The following CDC14A variants were observed in gnomAD, a reference collection of about 807,000 sequenced individuals.
CDC14A encodes the protein cell division cycle 14A.
In CDC14A, 53 loss-of-function variants were observed where a neutral mutation model predicts 74.4. The ratio of observed to expected loss-of-function variants is 0.71; its 90% confidence interval spans 0.57 to 0.89. The LOEUF is 0.89. Among genes scored for constraint, CDC14A ranks in the 40% least tolerant of loss-of-function variants. The probability of loss-of-function intolerance (pLI) is 0.00; values close to 1 mark genes in which losing one functional copy is unlikely to be tolerated. For missense variants in CDC14A, 646 were observed against 713.7 expected (o/e 0.91, Z 1.08); for synonymous variants, 247 against 258.4 (o/e 0.96, Z 0.43).
At chr1:100,505,873 G>C (rs553516889) in intron 15 of CDC14A, among the ~76,000 whole-genome samples, 1 of 152,140 alleles carries the variant, frequency 6.6e-6, no homozygotes, top group Non-Finnish European at 1.5e-5. Flanking sequence ...TTGGCTTTGC[G>C]TGAGTCCTCA....
chr1:100,465,994 A>G (rs1441043815), intron 9 of CDC14A, among the ~76,000 whole-genome samples: 2 of 152,306 alleles, frequency 1.3e-5, no homozygotes, highest in South Asian at 2.1e-4. Flanking sequence ...AAATGTTCCT[A>G]TTCAGTTCAG....
chr1:100,491,158 A>G (rs1213801868), intron 11 of CDC14A, among the ~76,000 whole-genome samples: 1 of 152,192 alleles, frequency 6.6e-6, no homozygotes, highest in Admixed American at 6.5e-5. Context: ...TATCTAGACA[A>G]TGGAATTTTA....
intron 4 of CDC14A, among the ~76,000 whole-genome samples, chr1:100,410,171 T>C (rs1660485061): frequency 6.6e-6 from 1 of 150,966 alleles, no homozygotes; most frequent in Non-Finnish European, 1.5e-5. Context: ...GTGATTGTGC[T>C]ACTGCACTCC....
intron 15 of CDC14A, among the ~76,000 whole-genome samples, chr1:100,509,542 CTG>C (rs1254041399): frequency 6.6e-6 from 1 of 152,150 alleles, no homozygotes; most frequent in African/African-American, 2.4e-5. Context: ...TTGAATTTTA[CTG>C]TGTGTGCACA....
upstream of CDC14A, among the ~76,000 whole-genome samples, chr1:100,348,499 T>C (rs1331157804): frequency 6.6e-6 from 1 of 152,178 alleles, no homozygotes; most frequent in Non-Finnish European, 1.5e-5. Context: ...TCTTTTTTCT[T>C]TTTTTAGAAC....
At chr1:100,363,095 T>G (rs1652995167) in intron 2 of CDC14A, 1 of 152,266 alleles carries the variant, frequency 6.6e-6, no homozygotes, top group Admixed American at 6.5e-5. Context: ...GGAAGGCTGA[T>G]CACCCCACCC....
chr1:100,383,339 A>G (rs1052926238), intron 3 of CDC14A: 4 of 152,646 alleles, frequency 2.6e-5, no homozygotes, highest in African/African-American at 9.6e-5. Flanking sequence ...CATTTCATTA[A>G]TGAAATGTAT....
exon 1 of CDC14A, chr1:100,345,033 A>G (rs1293637263): frequency 6.6e-6 from 1 of 152,180 alleles, no homozygotes; most frequent in African/African-American, 2.4e-5. Flanking sequence ...AGAGCAGGGG[A>G]ATTTAGGAAT....
chr1:100,398,481 C>T (rs1487300478), intron 4 of CDC14A, among the ~76,000 whole-genome samples: 1 of 152,164 alleles, frequency 6.6e-6, no homozygotes, highest in Admixed American at 6.5e-5. Flanking sequence ...GTATATTTCT[C>T]TCCAAGGATG....
At position 100,466,975 on chromosome 1, in the gene CDC14A, T is replaced by A. The variant is rs904106952; in HGVS notation, c.839-981T>A. Among the ~76,000 whole-genome samples the A allele has an allele frequency of 9.3e-5, 14 of 150,976 alleles. No homozygotes were observed. The South Asian group carries it at 1.0e-3, about 11-fold the overall frequency. On this transcript the variant is annotated intron_variant, in intron 9 of 15. Coordinates refer to ENST00000336454, the MANE Select transcript of CDC14A (RefSeq NM_003672.4). ...GGATGAAAAACTTTTTTTTTTTGTA[T>A]AAAGCACAGATTTACATAAACAGAT...
intron 1 of CDC14A, 114 bp downstream of exon 1, chr1:100,353,117 G>A (rs1570931847): frequency 2.6e-6 from 3 of 1,172,864 alleles, no homozygotes; most frequent in Non-Finnish European, 3.8e-6. Context: ...GCCGCTGCGC[G>A]CGCTCTCGTC....
intron 5 of CDC14A, among the ~76,000 whole-genome samples, chr1:100,434,504 G>C (rs1204409176): frequency 6.6e-6 from 1 of 152,206 alleles, no homozygotes; most frequent in African/African-American, 2.4e-5. Context: ...TATCACTCTG[G>C]CTTCAGTGAA....
intron 13 of CDC14A, 117 bp from the exon 14 acceptor site, chr1:100,497,968 T>C: frequency 9.1e-7 from 1 of 1,097,434 alleles, no homozygotes; most frequent in South Asian, 1.5e-5. Flanking sequence ...CTGTCATCAC[T>C]ATTAGGACCT....
chr1:100,415,259 G>A (rs896920771), intron 4 of CDC14A, among the ~76,000 whole-genome samples: 5 of 152,024 alleles, frequency 3.3e-5, no homozygotes, highest in Non-Finnish European at 7.4e-5. Flanking sequence ...TATTCTAAAC[G>A]AATTGTCAAA....
At chr1:100,482,637 C>A (rs1214924648) in intron 10 of CDC14A, among the ~76,000 whole-genome samples, 1 of 152,120 alleles carries the variant, frequency 6.6e-6, no homozygotes, top group Admixed American at 6.6e-5. Context: ...TCTTGAGAGA[C>A]AGGGATTCAG....
intron 4 of CDC14A, among the ~76,000 whole-genome samples, chr1:100,419,388 G>A (rs1661971678): frequency 6.6e-6 from 1 of 152,228 alleles, no homozygotes; most frequent in Admixed American, 6.5e-5. Context: ...GTAGTTTCAA[G>A]CCAAGTGAGT....
At chr1:100,476,946 A>T (rs1668963492) in intron 10 of CDC14A, among the ~76,000 whole-genome samples, 1 of 152,100 alleles carries the variant, frequency 6.6e-6, no homozygotes, top group African/African-American at 2.4e-5. Context: ...TAGAAGAGGG[A>T]CCCAGGGGGA....
At chr1:100,450,591 C>T (rs1666035946) in intron 7 of CDC14A, among the ~76,000 whole-genome samples, 1 of 152,186 alleles carries the variant, frequency 6.6e-6, no homozygotes, top group Non-Finnish European at 1.5e-5. Context: ...GTTCATTACA[C>T]CACTCCAAAG....
intron 3 of CDC14A, among the ~76,000 whole-genome samples, chr1:100,378,411 A>G (rs1414044918): frequency 2.6e-5 from 4 of 152,218 alleles, no homozygotes; most frequent in African/African-American, 9.6e-5. Flanking sequence ...TTAAGGATAA[A>G]TACTAAATTA....
Sources: allele counts gnomAD v4.1 joint callset (sites outside exome capture counted in the v4.1 genomes callset), GRCh38; gene constraint gnomAD v4.1.1; transcripts MANE v1.5; gene names NCBI Gene and HGNC (gene_info 2026-07-23, HGNC 2026-07-21).